WDFY4: variants seen among roughly 807,000 people sequenced by gnomAD.
WDFY4 encodes WDFY family member 4.
A neutral mutation model predicts 351.9 loss-of-function variants in WDFY4; 169 were observed. The ratio of observed to expected loss-of-function variants is 0.48; its 90% CI spans 0.42 to 0.55. The LOEUF is 0.55. Among genes scored for constraint, WDFY4 ranks in the 20% least tolerant of loss-of-function variants. The pLI, the probability that WDFY4 is intolerant of heterozygous loss-of-function variation, is 0.00. For missense variants in WDFY4, 3,803 were observed against 3,935.6 expected (o/e 0.97, Z 0.90); for synonymous variants, 1,622 against 1,574.6 (o/e 1.03, Z -0.71).
At chr10:48,829,315 A>C (rs2068110474) in intron 37 of WDFY4, among the ~76,000 whole-genome samples, 1 of 152,186 alleles carries the variant, frequency 6.6e-6, no homozygotes, top group Admixed American at 6.5e-5. Flanking sequence ...TCCCTAGTAA[A>C]TGAGAAGGGA....
rs1373374826 is a variant in WDFY4, at chr10:48,778,833, G to A, written c.3397+1G>A. 3 of 1,549,314 alleles carry A rather than the reference G, an allele frequency of 1.9e-6. No individual in the cohort carries two copies. Among genetic ancestry groups the A allele is most frequent in the African/African-American group, 1.4e-5 (1 of 73,060 alleles). On this transcript the variant is annotated splice_donor_variant, in intron 18 of 61. Coordinates refer to ENST00000325239, the MANE Select transcript of WDFY4 (RefSeq NM_001394531.1). LOFTEE classifies it high-confidence loss of function. ...GAAGAGAAGGAGTTTCAGCCTCTGGGTAAGGTGCTGGGATCCAAAGCCAGT... is the reference window on the plus strand; with the variant it reads ...GAAGAGAAGGAGTTTCAGCCTCTGGATAAGGTGCTGGGATCCAAAGCCAGT...
chr10:48,876,970 C>A, intron 42 of WDFY4, 63 bp from the exon 43 acceptor site: 1 of 1,420,342 alleles, frequency 7.0e-7, no homozygotes, highest in East Asian at 2.6e-5. Context: ...ACATGCTGTG[C>A]ACCGGCCCTT....
chr10:48,982,735 C>G lies in WDFY4; in HGVS notation c.*160C>G, dbSNP rs1337472456. ...GCAATCACAGCTCTGCAGCCCAACC[C>G]TCTCCATGGCCGATGGGACTTCTAT... On this transcript the variant is annotated 3_prime_UTR_variant, in exon 62 of 62. Coordinates refer to ENST00000325239, the MANE Select transcript of WDFY4 (RefSeq NM_001394531.1). The G allele has an allele frequency of 2.9e-6, 2 of 693,716 alleles. No individual in the cohort carries two copies. The highest frequency in any genetic ancestry group is 1.5e-5 in the South Asian group (1 of 67,004). The allele number at this position is 693,716 out of a possible 1,614,324, so 43.0% of individuals were successfully genotyped here.
intron 2 of WDFY4, among the ~76,000 whole-genome samples, chr10:48,712,273 G>A (rs555170918): frequency 6.6e-6 from 1 of 152,316 alleles, no homozygotes; most frequent in Admixed American, 6.5e-5. Flanking sequence ...ATGAGGGTAA[G>A]ACAAGACAAT....
Position 48,982,848 on chromosome 10 carries a change from A to C in WDFY4, c.*273A>C. ...TGCCCAGCTGCACACGAAATTACAC[A>C]TGACTCACCTTATTAAGGGCTATTG... is the stretch of plus-strand genomic sequence containing the variant. On this transcript the variant is annotated 3_prime_UTR_variant, in exon 62 of 62. Transcript: ENST00000325239. 3 of 517,488 alleles carry C rather than the reference A, an allele frequency of 5.8e-6. No individual in the cohort carries two copies. The highest frequency in any genetic ancestry group is 3.8e-6 in the Non-Finnish European group (1 of 260,752). 32.1% of individuals were successfully genotyped at this position (517,488 alleles called of 1,614,324 possible).
intron 32 of WDFY4, among the ~76,000 whole-genome samples, chr10:48,819,317 C>A (rs1052483200): frequency 6.6e-6 from 1 of 152,238 alleles, no homozygotes; most frequent in Admixed American, 6.5e-5. Context: ...CCTCTTCATG[C>A]AGAAGGCTGG....
At chr10:48,874,481 C>G (rs926327697) in intron 41 of WDFY4, among the ~76,000 whole-genome samples, 1 of 152,074 alleles carries the variant, frequency 6.6e-6, no homozygotes, top group Non-Finnish European at 1.5e-5. Context: ...TTTATTCTCT[C>G]GTCTGTAACC....
chr10:48,930,931 G>T (rs967725185), intron 47 of WDFY4, among the ~76,000 whole-genome samples: 1 of 152,050 alleles, frequency 6.6e-6, no homozygotes, highest in African/African-American at 2.4e-5. Flanking sequence ...GAGAAAGAAC[G>T]CCAAGAATAT....
intron 35 of WDFY4, chr10:48,823,106 G>C: frequency 7.8e-7 from 1 of 1,286,578 alleles, no homozygotes; most frequent in South Asian, 1.2e-5. Flanking sequence ...GTGTATGTAT[G>C]TGCATGCATA....
intron 29 of WDFY4, 44 bp from the exon 30 acceptor site, chr10:48,811,495 G>A: frequency 1.3e-6 from 2 of 1,538,378 alleles, no homozygotes; most frequent in Non-Finnish European, 1.8e-6. Flanking sequence ...TTGACCAGCA[G>A]CTGTTCTCAG....
intron 47 of WDFY4, among the ~76,000 whole-genome samples, chr10:48,911,649 C>T (rs1422651208): frequency 2.0e-5 from 3 of 152,206 alleles, no homozygotes; most frequent in African/African-American, 7.2e-5. Context: ...GACAGGAATG[C>T]TATAATTTTA....
At chr10:48,812,976 A>G (rs2067509055) in intron 30 of WDFY4, among the ~76,000 whole-genome samples, 1 of 151,810 alleles carries the variant, frequency 6.6e-6, no homozygotes. Context: ...TCCTACTTAG[A>G]CCCCCAGACA....
chr10:48,923,320 C>T (rs1255735832), intron 47 of WDFY4, among the ~76,000 whole-genome samples: 1 of 151,910 alleles, frequency 6.6e-6, no homozygotes, highest in Non-Finnish European at 1.5e-5. Flanking sequence ...AAACTGTCTA[C>T]TGTGCTTGAG....
At chr10:48,792,147 T>C (rs1361782933) in intron 23 of WDFY4, among the ~76,000 whole-genome samples, 3 of 152,140 alleles carry the variant, frequency 2.0e-5, no homozygotes, top group Non-Finnish European at 2.9e-5. Flanking sequence ...CCTTCTCCAA[T>C]CATTAAACAG....
chr10:48,686,354 T>C (rs373509378), intron 1 of WDFY4, among the ~76,000 whole-genome samples: 23 of 151,192 alleles, frequency 1.5e-4, no homozygotes, highest in African/African-American at 5.6e-4. Flanking sequence ...AAAGAAAATT[T>C]AGAAAGACCA....
chr10:48,960,563 T>A (rs1019506519), intron 53 of WDFY4, among the ~76,000 whole-genome samples: 3 of 152,242 alleles, frequency 2.0e-5, no homozygotes, highest in Admixed American at 2.0e-4. Flanking sequence ...GCATTTTCCC[T>A]TGTAGATATT....
At chr10:48,741,471 A>AT (rs1589498925) in intron 11 of WDFY4, among the ~76,000 whole-genome samples, 1 of 151,238 alleles carries the variant, frequency 6.6e-6, no homozygotes, top group East Asian at 1.9e-4. Context: ...AAAAAAAAAA[A>AT]AAAAAAAAAT....
chr10:48,973,133 C>T (rs994619470), intron 57 of WDFY4, among the ~76,000 whole-genome samples: 7 of 152,160 alleles, frequency 4.6e-5, no homozygotes, highest in South Asian at 2.1e-4. Context: ...GTAAACAACA[C>T]GTGCCGGCAC....
chr10:48,823,346 C>A, intron 35 of WDFY4: 1 of 1,268,986 alleles, frequency 7.9e-7, no homozygotes, highest in Non-Finnish European at 1.0e-6. Flanking sequence ...TGGGATCTAC[C>A]TCCAGCAACT....
Sources: gnomAD v4.1 joint callset for allele counts (sites outside exome capture counted in the v4.1 genomes callset) on GRCh38, gnomAD v4.1.1 for gene constraint, MANE v1.5 for transcripts, NCBI Gene and HGNC (gene_info 2026-07-23, HGNC 2026-07-21) for gene names.